Variants in CPM observed in about 807,000 individuals in gnomAD.
CPM encodes the protein renal carboxypeptidase.
CPM carries 35 observed loss-of-function variants against 46.4 expected under a neutral mutation model. That is an observed-to-expected ratio of 0.75 (90% CI 0.58 to 1.00). CPM has a LOEUF of 1.00. Among genes scored for constraint, CPM ranks in the 50% least tolerant of loss-of-function variants. CPM has a pLI of 0.00. For missense variants in CPM, 422 were observed against 530.4 expected (o/e 0.80, Z 2.01); for synonymous variants, 195 against 195.3 (o/e 1.00, Z 0.01).
chr12:68,846,976 C>A (rs909621671), downstream of CPM: 4 of 151,628 alleles, frequency 2.6e-5, no homozygotes, highest in East Asian at 7.7e-4. Flanking sequence ...CCCTACTCCA[C>A]CTTGAAGTTT....
At chr12:68,862,833 G>A (rs924340046) in intron 7 of CPM, among the ~76,000 whole-genome samples, 2 of 150,572 alleles carry the variant, frequency 1.3e-5, no homozygotes, top group Non-Finnish European at 3.0e-5. Context: ...CCTAAGAGAC[G>A]CAGAGAGAGC....
At chr12:68,938,696 C>T (rs1224954763) in intron 1 of CPM, among the ~76,000 whole-genome samples, 2 of 151,782 alleles carry the variant, frequency 1.3e-5, no homozygotes, top group African/African-American at 2.4e-5. Flanking sequence ...AAAGTATTCT[C>T]ATACAAATAT....
chr12:68,891,879 G>T (rs530756574), intron 2 of CPM, among the ~76,000 whole-genome samples: 1 of 152,176 alleles, frequency 6.6e-6, no homozygotes, highest in Non-Finnish European at 1.5e-5. Context: ...TGGGACTACA[G>T]ATGTGTGCCA....
At chr12:68,901,616 A>C (rs1887116008) in intron 2 of CPM, among the ~76,000 whole-genome samples, 1 of 152,260 alleles carries the variant, frequency 6.6e-6, no homozygotes. Flanking sequence ...GGGATCATTG[A>C]GACTTCTGGT....
chr12:68,893,250 C>T (rs1565783974), intron 2 of CPM, among the ~76,000 whole-genome samples: 1 of 152,030 alleles, frequency 6.6e-6, no homozygotes, highest in Non-Finnish European at 1.5e-5. Context: ...GGGACACACA[C>T]CTTTTTTCAT....
chr12:68,874,390 T>C (rs111880665), intron 3 of CPM, among the ~76,000 whole-genome samples: 17,171 of 151,616 alleles, frequency 0.11, 2,034 homozygotes, highest in African/African-American at 0.29. Context: ...CCGAGGTGGG[T>C]GGATCACCCG....
chr12:68,906,395 ACAATATACATAGAATACTG>A (rs1240533128), intron 2 of CPM, among the ~76,000 whole-genome samples: 2 of 152,232 alleles, frequency 1.3e-5, no homozygotes, highest in Non-Finnish European at 2.9e-5. Flanking sequence ...CAGTGAAATA[ACAATATACATAGAATACTG>A]TACATTGAAT....
At chr12:68,947,551 C>T (rs1020759246) in intron 1 of CPM, among the ~76,000 whole-genome samples, 6 of 151,354 alleles carry the variant, frequency 4.0e-5, no homozygotes, top group Admixed American at 1.3e-4. Flanking sequence ...GAGCTGAGAT[C>T]GCGCCATTGC....
intron 1 of CPM, among the ~76,000 whole-genome samples, chr12:68,939,414 A>C (rs1888727152): frequency 6.7e-6 from 1 of 150,080 alleles, no homozygotes. Context: ...ATAAAAAAGA[A>C]TACTAAAATC....
At chr12:68,915,237 T>C (rs1319671196) in intron 2 of CPM, among the ~76,000 whole-genome samples, 2 of 152,164 alleles carry the variant, frequency 1.3e-5, no homozygotes, top group Admixed American at 6.5e-5. Flanking sequence ...TAAACCACAA[T>C]GACAAAAGCC....
intron 1 of CPM, among the ~76,000 whole-genome samples, chr12:68,952,823 C>T (rs1476835571): frequency 6.6e-6 from 1 of 152,106 alleles, no homozygotes; most frequent in African/African-American, 2.4e-5. Context: ...TCTTTGATGC[C>T]CGCCTGAGTT....
chr12:68,856,881 T>C (rs1343380476), intron 8 of CPM, among the ~76,000 whole-genome samples: 2 of 152,210 alleles, frequency 1.3e-5, no homozygotes, highest in African/African-American at 2.4e-5. Flanking sequence ...TTGTGAATGC[T>C]GTTGCCAAGA....
intron 2 of CPM, among the ~76,000 whole-genome samples, chr12:68,911,288 C>CT (rs923886906): frequency 6.6e-6 from 1 of 152,158 alleles, no homozygotes; most frequent in African/African-American, 2.4e-5. Context: ...AATAGAGGGT[C>CT]TGTCCAGGAT....
At chr12:68,921,912 T>C (rs762543918) in intron 2 of CPM, among the ~76,000 whole-genome samples, 2 of 152,216 alleles carry the variant, frequency 1.3e-5, no homozygotes, top group Non-Finnish European at 2.9e-5. Context: ...TTTAATATAC[T>C]ACATACAATA....
At chr12:68,941,864 TA>T (rs1214392384) in intron 1 of CPM, among the ~76,000 whole-genome samples, 1 of 152,176 alleles carries the variant, frequency 6.6e-6, no homozygotes, top group Non-Finnish European at 1.5e-5. Context: ...TTGTTTTTGA[TA>T]AAAAAGGAAA....
intron 2 of CPM, among the ~76,000 whole-genome samples, chr12:68,892,504 C>T (rs1369531771): frequency 6.6e-6 from 1 of 152,206 alleles, no homozygotes; most frequent in Non-Finnish European, 1.5e-5. Context: ...CTTCTGGGAT[C>T]AGGCTGCTAG....
chr12:68,914,206 T>G (rs1887714325), intron 2 of CPM, among the ~76,000 whole-genome samples: 1 of 152,222 alleles, frequency 6.6e-6, no homozygotes, highest in South Asian at 2.1e-4. Flanking sequence ...GGATAGCTAG[T>G]GCAGCTTAAA....
intron 2 of CPM, among the ~76,000 whole-genome samples, chr12:68,915,977 A>T (rs1033865118): frequency 6.6e-6 from 1 of 152,210 alleles, no homozygotes; most frequent in African/African-American, 2.4e-5. Context: ...GCAGATAAAG[A>T]TGTTCAATAA....
rs777535555 is a variant in CPM, at chr12:68,852,013, C to G, written c.*4424G>C. The G allele has an allele frequency of 5.9e-5, 9 of 152,194 alleles. No homozygotes were observed. Among genetic ancestry groups the G allele is most frequent in the Admixed American group, 2.6e-4 (4 of 15,278 alleles). The allele number at this position is 152,194 out of a possible 1,614,324, so 9.4% of individuals were successfully genotyped here. ...TGCTATGCTTATCTTTCTGGATTCC[C>G]CAGGAAGAGATACTTCCAATCTAAC... On this transcript the variant is annotated 3_prime_UTR_variant, in exon 9 of 9. Coordinates refer to ENST00000551568, the MANE Select transcript of CPM (RefSeq NM_198320.5).
Sources: allele counts gnomAD v4.1 joint callset (sites outside exome capture counted in the v4.1 genomes callset), GRCh38; gene constraint gnomAD v4.1.1; transcripts MANE v1.5; gene names NCBI Gene and HGNC (gene_info 2026-07-23, HGNC 2026-07-21).